Variants in PHRF1 observed in about 807,000 individuals in gnomAD.
PHRF1 encodes PHD and ring finger domains 1, also known as PHD and RING finger domain-containing protein 1.
In PHRF1, 53 loss-of-function variants were observed where a neutral mutation model predicts 128.9. The ratio of observed to expected loss-of-function variants is 0.41; its 90% CI spans 0.33 to 0.52. The LOEUF is 0.52. PHRF1 is among the 20% of genes least tolerant of loss of function. PHRF1 has a pLI of 0.21. For synonymous variants in PHRF1, 1,178 were observed against 980.6 expected, an observed-to-expected ratio of 1.20 and a Z score of -3.76; for missense variants, 2,503 against 2,284.5, an observed-to-expected ratio of 1.10 and a Z score of -1.95.
At position 609,686 on chromosome 11, in the gene PHRF1, G is replaced by A. The variant is rs372883272; in HGVS notation, c.4230G>A (p.Ser1410=). Residue 1410 remains serine, a synonymous_variant, in exon 14 of 18, where the codon TCG becomes TCA. Coordinates refer to ENST00000264555, the MANE Select transcript of PHRF1 (RefSeq NM_001286581.2). ...GGGTCACCTGGAACCTGCAGGAGTC[G>A]GAGAGCAGCGCCCCCGCCGAGGACA... ...VKRVTWNLQE[S]ESSAPAEDRA... 1.4e-4 allele frequency: 210 copies of A among 1,523,938 alleles called. 2 individuals carry two copies. The South Asian group carries it at 1.8e-3, about 13-fold the overall frequency. The allele number at this position is 1,523,938 out of a possible 1,614,324, so 94.4% of individuals were successfully genotyped here.
rs952333034 is a variant in PHRF1 at position 605,513 on chromosome 11, C to T, written c.1335-92C>T. On this transcript the variant is annotated intron_variant, in intron 11 of 17. Transcript: ENST00000264555. ...CACACGTGCCGCCACATGGCCAGTG[C>T]TCGGCCATCCTCCTCCGTGCCGTCT... is the stretch of plus-strand genomic sequence containing the variant. The T allele has an allele frequency of 3.9e-6, 6 of 1,549,402 alleles. No homozygotes were observed. The South Asian group carries it at 6.2e-5, about 16-fold the overall frequency.
At chr11:590,148 T>G (rs143500370) in intron 4 of PHRF1, among the ~76,000 whole-genome samples, 4 of 152,134 alleles carry the variant, frequency 2.6e-5, no homozygotes, top group African/African-American at 9.6e-5. Flanking sequence ...AGGGCTCCTC[T>G]GGGAACCCCA....
At chr11:586,445 A>G (rs917654277) in intron 3 of PHRF1, among the ~76,000 whole-genome samples, 1 of 152,230 alleles carries the variant, frequency 6.6e-6, no homozygotes, top group Non-Finnish European at 1.5e-5. Flanking sequence ...GGGTCCTGGC[A>G]GTGATGCCCC....
chr11:581,823 C>G, intron 2 of PHRF1, 139 bp from the exon 3 acceptor site: 1 of 1,287,122 alleles, frequency 7.8e-7, no homozygotes, highest in Non-Finnish European at 1.0e-6. Context: ...TTGCTTGTGC[C>G]CCCACCTTGC....
At chr11:610,915 G>A (rs752319502) in intron 16 of PHRF1, 39 bp from the exon 17 acceptor site, 2 of 1,605,764 alleles carry the variant, frequency 1.2e-6, no homozygotes, top group Non-Finnish European at 1.7e-6. Flanking sequence ...GGGACTCCCG[G>A]CTCCCTTCCT....
In PHRF1 at chr11:605,231, T is replaced by A. The variant is rs1452379252; in HGVS notation, c.1265T>A (p.Leu422Gln). ...CCAGTGGAGCCCTCTTTGGGGCTGC[T>A]GAGAGCGGATATTGGAGCTGCCTCT... Reference protein sequence around the residue: ...LKPVEPSLGLLRADIGAASLS... With the variant: ...LKPVEPSLGLQRADIGAASLS... Residue 422 changes from leucine (L) to glutamine (Q), a missense_variant, in exon 11 of 18, where the codon CTG (leucine) becomes CAG (glutamine). By Grantham distance (113) the Leu-to-Gln change is moderately radical. Transcript: ENST00000264555. The A allele has an allele frequency of 6.2e-7, 1 of 1,613,562 alleles. No homozygotes were observed. Among genetic ancestry groups the A allele is most frequent in the South Asian group, 1.1e-5 (1 of 91,090 alleles).
At chr11:594,283 C>G (rs1314962821) in intron 6 of PHRF1, among the ~76,000 whole-genome samples, 1 of 152,030 alleles carries the variant, frequency 6.6e-6, no homozygotes, top group African/African-American at 2.4e-5. Flanking sequence ...TAGACCTGGT[C>G]CTGGTCGCCA....
At chr11:578,546 A>T (rs1854020677) in intron 1 of PHRF1, among the ~76,000 whole-genome samples, 1 of 152,296 alleles carries the variant, frequency 6.6e-6, no homozygotes, top group Middle Eastern at 3.4e-3. Flanking sequence ...AAGCCCTGCC[A>T]TTGCCTGTCG....
rs202144590 is a variant in PHRF1, at chr11:609,002, G to A, written c.3546G>A (p.Glu1182=). The A allele has an allele frequency of 4.1e-3, 6,553 of 1,601,734 alleles. 19 individuals are homozygous for A. The highest frequency in any genetic ancestry group is 5.8e-3 in the Admixed American group (332 of 57,692). The change falls in exon 14 of 18, where the codon GAG becomes GAA. Residue 1182 remains glutamate (E), a synonymous_variant. Transcript: ENST00000264555. ...AGCACAGGCGGCCTCGGTCCCGTGA[G>A]AAGTGGCCGCAGACCCGGTCCCATT... ...AREHRRPRSR[E]KWPQTRSHSP... is the part of the protein sequence containing the mutation.
At chr11:594,615 C>T (rs1348991514) in intron 6 of PHRF1, among the ~76,000 whole-genome samples, 1 of 152,162 alleles carries the variant, frequency 6.6e-6, no homozygotes, top group African/African-American at 2.4e-5. Context: ...GCACATGCCA[C>T]CACACCTGGC....
At chr11:585,918 A>G (rs577583370) in intron 3 of PHRF1, among the ~76,000 whole-genome samples, 25 of 151,604 alleles carry the variant, frequency 1.6e-4, no homozygotes, top group Admixed American at 5.3e-4. Context: ...CTGGAGTGCA[A>G]TCGTGCAGTC....
chr11:592,395 CAT>C (rs1046551375), intron 5 of PHRF1, among the ~76,000 whole-genome samples, 162 bp from the exon 6 acceptor site: 1 of 152,176 alleles, frequency 6.6e-6, no homozygotes, highest in African/African-American at 2.4e-5. Flanking sequence ...TGGTAGAAAA[CAT>C]AAAAATCCCT....
chr11:600,493 A>AAAATATAT (rs1554908511), intron 9 of PHRF1, among the ~76,000 whole-genome samples: 1 of 129,334 alleles, frequency 7.7e-6, no homozygotes, highest in Admixed American at 7.6e-5. Context: ...TGTCTCCAAA[A>AAAATATAT]ATATATATAT....
At chr11:591,287 G>A in intron 4 of PHRF1, 97 bp from the exon 5 acceptor site, 2 of 1,083,714 alleles carry the variant, frequency 1.8e-6, no homozygotes, top group Non-Finnish European at 2.7e-6. Flanking sequence ...GGCGCATGGA[G>A]GCATTTAGCA....
At chr11:582,216 T>G in intron 3 of PHRF1, 135 bp downstream of exon 3, 2 of 1,333,656 alleles carry the variant, frequency 1.5e-6, no homozygotes, top group Non-Finnish European at 2.0e-6. Context: ...CGGTGAGGCC[T>G]TATATTCAGC....
At chr11:598,319 C>T in intron 8 of PHRF1, 54 bp from the exon 9 acceptor site, 1 of 1,582,332 alleles carries the variant, frequency 6.3e-7, no homozygotes, top group South Asian at 1.1e-5. Context: ...GGGGTCTGTG[C>T]TGGACCGGCT....
rs372832757 is a variant in PHRF1 at position 608,085 on chromosome 11, C to T, written c.2629C>T (p.Arg877Cys). ...GAAGGCCCAGACGGTGCAGGCTGTG[C>T]GCTGCGTCACCTCCTACACGGTGGA... ...SPKAQTVQAV[R>C]CVTSYTVESI... Residue 877 changes from arginine to cysteine, a missense_variant, in exon 14 of 18, where the codon CGC becomes TGC. By Grantham distance (180) the Arg-to-Cys change is radical (BLOSUM62 -3). Coordinates refer to ENST00000264555, the MANE Select transcript of PHRF1 (RefSeq NM_001286581.2). 6.2e-6 allele frequency: 10 copies of T among 1,611,592 alleles called. No homozygotes were observed. Among genetic ancestry groups the T allele is most frequent in the East Asian group, 2.2e-5 (1 of 44,866 alleles).
At chr11:577,599 G>A (rs572797945) in intron 1 of PHRF1, among the ~76,000 whole-genome samples, 1 of 152,356 alleles carries the variant, frequency 6.6e-6, no homozygotes, top group African/African-American at 2.4e-5. Context: ...TTTATCTCAG[G>A]CCCGCGGAGA....
chr11:610,278 G>A lies in PHRF1; in HGVS notation c.4347G>A (p.Val1449=), dbSNP rs766357511. ...EDVAPTGVRQ[V]FSELPFPSHV... is the part of the protein sequence containing the mutation. The stretch of plus-strand genomic sequence containing the variant: ...TGGCCCCCACAGGGGTCAGGCAGGT[G>A]TTCTCCGAGCTGCCCTTTCCCAGTC... Residue 1449 remains valine (V), a synonymous_variant, in exon 15 of 18, where the codon GTG becomes GTA. Coordinates refer to ENST00000264555, the MANE Select transcript of PHRF1 (RefSeq NM_001286581.2). 9.6e-6 allele frequency: 15 copies of A among 1,560,082 alleles called. No homozygotes were observed. Among genetic ancestry groups the A allele is most frequent in the South Asian group, 9.4e-5 (8 of 84,690 alleles).
Sources: allele counts gnomAD v4.1 joint callset (sites outside exome capture counted in the v4.1 genomes callset), GRCh38; gene constraint gnomAD v4.1.1; transcripts MANE v1.5; gene names NCBI Gene and HGNC (gene_info 2026-07-23, HGNC 2026-07-21).